ACAP2: variants seen among roughly 807,000 people sequenced by gnomAD.
The protein encoded by ACAP2 is arf-GAP with coiled-coil, ANK repeat and PH domain-containing protein 2.
A neutral mutation model predicts 115.8 loss-of-function variants in ACAP2; 39 were observed. That is an observed-to-expected ratio of 0.34 (90% CI 0.26 to 0.44). The LOEUF (loss-of-function observed/expected upper bound fraction) is 0.44. Ranked by LOEUF, ACAP2 falls within the 20% of genes least tolerant of loss-of-function variation. The pLI, the probability that ACAP2 is intolerant of heterozygous loss-of-function variation, is 1.00. For missense variants in ACAP2, 662 were observed against 927.6 expected, an observed-to-expected ratio of 0.71 and a Z score of 3.72; for synonymous variants, 289 against 315.8, an observed-to-expected ratio of 0.92 and a Z score of 0.90.
At chr3:195,288,679 G>A (rs1348457187) in intron 21 of ACAP2, among the ~76,000 whole-genome samples, 1 of 152,052 alleles carries the variant, frequency 6.6e-6, no homozygotes, top group Non-Finnish European at 1.5e-5. Context: ...CCAACATGGT[G>A]AAACCCCATC....
rs537519744 is a variant in ACAP2, at chr3:195,387,544, T to C, written c.111+4546A>G. Among the ~76,000 whole-genome samples the C allele has an allele frequency of 7.2e-5, 11 of 152,282 alleles. No individual in the cohort carries two copies. The South Asian group carries it at 8.3e-4, about 11-fold the overall frequency. ...AGGGTTTTTTCTTTTTCTTTGGAAA[T>C]GGGGTCTTGCTCTGTCACCCAGGCT... On this transcript the variant is annotated intron_variant, in intron 2 of 22. Transcript: ENST00000326793.
chr3:195,357,810 C>G (rs1311175799), intron 4 of ACAP2: 2 of 152,356 alleles, frequency 1.3e-5, no homozygotes, highest in East Asian at 3.8e-4. Context: ...GTTTAATTGA[C>G]TCACAGTTCT....
chr3:195,337,971 A>T (rs1045366122), intron 6 of ACAP2, among the ~76,000 whole-genome samples: 6 of 151,202 alleles, frequency 4.0e-5, no homozygotes, highest in Admixed American at 3.3e-4. Context: ...GCCTGGGGCC[A>T]CTCCCACCTC....
intron 18 of ACAP2, among the ~76,000 whole-genome samples, chr3:195,293,076 T>C (rs534433220): frequency 6.6e-6 from 1 of 152,326 alleles, no homozygotes; most frequent in South Asian, 2.1e-4. Flanking sequence ...TTCAACCTTC[T>C]TCTTCTATAA....
At chr3:195,413,364 T>G (rs1713443349) in intron 1 of ACAP2, among the ~76,000 whole-genome samples, 1 of 152,106 alleles carries the variant, frequency 6.6e-6, no homozygotes, top group South Asian at 2.1e-4. Context: ...CCAAAAAAAA[T>G]TATATGTATA....
chr3:195,376,280 G>A (rs994644478), intron 4 of ACAP2, among the ~76,000 whole-genome samples: 1 of 152,052 alleles, frequency 6.6e-6, no homozygotes, highest in Non-Finnish European at 1.5e-5. Flanking sequence ...TGTAGTCCCA[G>A]CTACTCGGGA....
intron 1 of ACAP2, among the ~76,000 whole-genome samples, chr3:195,423,229 C>T (rs150796045): frequency 5.9e-4 from 90 of 151,968 alleles, no homozygotes; most frequent in African/African-American, 2.1e-3. Flanking sequence ...GAGATAGAGA[C>T]ACACATAAAG....
At chr3:195,397,866 A>G (rs1035619985) in intron 1 of ACAP2, among the ~76,000 whole-genome samples, 1 of 152,234 alleles carries the variant, frequency 6.6e-6, no homozygotes, top group African/African-American at 2.4e-5. Flanking sequence ...CCTGAGAAGA[A>G]AGCAGTAATA....
chr3:195,294,881 G>T (rs1296171756), intron 17 of ACAP2, 70 bp from the exon 18 acceptor site: 15 of 962,502 alleles, frequency 1.6e-5, no homozygotes, highest in African/African-American at 1.6e-5. Context: ...CACAAACAAG[G>T]TTTTAAAATG....
At chr3:195,383,297 T>C (rs1314926760) in intron 2 of ACAP2, among the ~76,000 whole-genome samples, 3 of 151,518 alleles carry the variant, frequency 2.0e-5, no homozygotes, top group South Asian at 2.1e-4. Context: ...TATAAAAAGA[T>C]AGTAAATAAA....
intron 1 of ACAP2, among the ~76,000 whole-genome samples, chr3:195,415,510 C>T (rs894193546): frequency 2.6e-5 from 4 of 151,834 alleles, no homozygotes; most frequent in South Asian, 2.1e-4. Flanking sequence ...CTCTTGACCT[C>T]GTGATTTGCT....
intron 10 of ACAP2, among the ~76,000 whole-genome samples, chr3:195,318,853 GAGCTGAATGTTTACATCCAAGACA>G (rs572563160): frequency 2.0e-5 from 3 of 152,328 alleles, no homozygotes; most frequent in Admixed American, 6.5e-5. Flanking sequence ...AAATAATGAG[GAGCTGAATGTTTACATCCAAGACA>G]ATGGGAAAAA....
chr3:195,391,972 G>T, intron 2 of ACAP2, 118 bp downstream of exon 2: 1 of 764,968 alleles, frequency 1.3e-6, no homozygotes, highest in Non-Finnish European at 2.1e-6. Context: ...TTCAGCCTGG[G>T]CGACAGAGTG....
intron 22 of ACAP2, among the ~76,000 whole-genome samples, chr3:195,281,970 T>A (rs1015548516): frequency 2.0e-5 from 3 of 152,138 alleles, no homozygotes; most frequent in Non-Finnish European, 2.9e-5. Flanking sequence ...CACAAAGATT[T>A]TACCATTCAA....
intron 10 of ACAP2, among the ~76,000 whole-genome samples, chr3:195,310,986 G>C (rs1728726437): frequency 6.6e-6 from 1 of 151,592 alleles, no homozygotes; most frequent in Non-Finnish European, 1.5e-5. Flanking sequence ...AAAAAAACTA[G>C]TAACATTGAC....
chr3:195,398,491 G>A (rs569167993), intron 1 of ACAP2, among the ~76,000 whole-genome samples: 9 of 152,014 alleles, frequency 5.9e-5, no homozygotes, highest in African/African-American at 1.4e-4. Flanking sequence ...CTAAAAATGC[G>A]CCAGGCATGG....
chr3:195,303,634 T>C (rs1333225542), intron 13 of ACAP2, among the ~76,000 whole-genome samples: 2 of 152,062 alleles, frequency 1.3e-5, no homozygotes, highest in Non-Finnish European at 2.9e-5. Flanking sequence ...CTAGACATGG[T>C]GGTAAGCACC....
intron 1 of ACAP2, among the ~76,000 whole-genome samples, chr3:195,399,035 G>A (rs993397957): frequency 2.0e-5 from 3 of 152,130 alleles, no homozygotes; most frequent in Admixed American, 1.3e-4. Context: ...CTATTGGGTT[G>A]GGGCAAAAGT....
At chr3:195,398,428 G>T (rs1057304124) in intron 1 of ACAP2, among the ~76,000 whole-genome samples, 1 of 151,766 alleles carries the variant, frequency 6.6e-6, no homozygotes, top group Admixed American at 6.6e-5. Context: ...GTAGATCACG[G>T]GAGGTCAGGA....
Sources: gnomAD v4.1 joint callset for allele counts (sites outside exome capture counted in the v4.1 genomes callset) on GRCh38, gnomAD v4.1.1 for gene constraint, MANE v1.5 for transcripts, NCBI Gene and HGNC (gene_info 2026-07-23, HGNC 2026-07-21) for gene names.